BRWD3: variants seen among roughly 807,000 people sequenced by gnomAD.
BRWD3 encodes the protein bromodomain and WD repeat-containing protein 3.
BRWD3 carries 10 observed loss-of-function variants against 149.7 expected under a neutral mutation model. That is an observed-to-expected ratio of 0.07 (90% CI 0.04 to 0.11). The LOEUF (loss-of-function observed/expected upper bound fraction) is 0.11. Ranked by LOEUF, BRWD3 falls within the 10% of genes least tolerant of loss-of-function variation. BRWD3 has a pLI of 1.00. For synonymous variants in BRWD3, 504 were observed against 456.7 expected, an observed-to-expected ratio of 1.10 and a Z score of -1.32; for missense variants, 940 against 1,373.2, an observed-to-expected ratio of 0.68 and a Z score of 4.99.
chrX:80,684,632 T>C (rs2072497253), intron 36 of BRWD3, among the ~76,000 whole-genome samples: 1 of 63,519 alleles, frequency 1.6e-5, no homozygotes, highest in Non-Finnish European at 4.1e-5. Flanking sequence ...TTGGTCATGT[T>C]TGTGCCTTTC....
intron 32 of BRWD3, 29 bp downstream of exon 32, chrX:80,689,916 TTTTTTAAAAACCTTAAGTTAGA>T (rs749737453): frequency 1.7e-6 from 2 of 1,178,527 alleles, no homozygotes; most frequent in African/African-American, 3.6e-5. Flanking sequence ...TTAAAATTAA[TTTTTTAAAAACCTTAAGTTAGA>T]CTCTCTGGAA....
Position 80,709,546 on chromosome X carries a change from A to G in BRWD3, c.2357T>C (p.Leu786Ser), listed in dbSNP as rs772836252. Reference sequence around the variant, plus strand: ...CTGACGTTTGCGCTGTGTCCTGCGTAAAGAACGCCCACAGCTAGGCTCATA... The same window carrying G: ...CTGACGTTTGCGCTGTGTCCTGCGTGAAGAACGCCCACAGCTAGGCTCATA... ...NDYEPSCGRS[L>S]RRTQRKRQHT... The change falls in exon 21 of 41, where the codon TTA (leucine) becomes TCA (serine). Residue 786 changes from leucine to serine, a missense_variant. Leu to Ser is a moderately radical substitution (Grantham distance 145). Coordinates refer to ENST00000373275, the MANE Select transcript of BRWD3 (RefSeq NM_153252.5). 3 of 1,210,853 alleles carry G rather than the reference A, an allele frequency of 2.5e-6. No homozygotes were observed. Among genetic ancestry groups the G allele is most frequent in the Non-Finnish European group, 3.4e-6 (3 of 894,881 alleles).
intron 40 of BRWD3, 93 bp downstream of exon 40, chrX:80,681,248 T>G: frequency 1.1e-6 from 1 of 947,320 alleles, no homozygotes; most frequent in Non-Finnish European, 1.5e-6. Context: ...GATATACTAG[T>G]TTTTAGTATG....
chrX:80,696,504 T>C (rs1392942548), intron 26 of BRWD3, among the ~76,000 whole-genome samples: 1 of 96,136 alleles, frequency 1.0e-5, no homozygotes, highest in Non-Finnish European at 2.1e-5. Context: ...TCTATGTAAC[T>C]ATCCATAACA....
intron 4 of BRWD3, 144 bp downstream of exon 4, chrX:80,808,395 G>T: frequency 1.9e-6 from 1 of 521,870 alleles, no homozygotes; most frequent in Non-Finnish European, 3.4e-6. Context: ...GACTAGCAGG[G>T]ATGGGGGAAG....
chrX:80,710,256 G>C, intron 20 of BRWD3: 1 of 376,140 alleles, frequency 2.7e-6, no homozygotes, highest in East Asian at 5.4e-5. Context: ...CTAATTGGAA[G>C]CAAGACCCAA....
rs975941506 is a variant in BRWD3, at chrX:80,672,661, T to C, written c.*3948A>G. 1 of 111,930 alleles carries C rather than the reference T, an allele frequency of 8.9e-6. No homozygotes were observed. The highest frequency in any genetic ancestry group is 1.9e-5 in the Non-Finnish European group (1 of 53,157). 9.2% of individuals were successfully genotyped at this position (111,930 alleles called of 1,213,427 possible). A position where few individuals can be genotyped will look rare whatever the true frequency, so the allele number is the denominator to read the frequency against. ...TAAAAGTGACTTTAGAATATTCTAT[T>C]TCTGATAAACCTTTCATAAAGCCTC... is the stretch of plus-strand genomic sequence containing the variant. On this transcript the variant is annotated 3_prime_UTR_variant, in exon 41 of 41. Coordinates refer to ENST00000373275, the MANE Select transcript of BRWD3 (RefSeq NM_153252.5).
At chrX:80,763,107 T>A (rs755989855) in intron 6 of BRWD3, among the ~76,000 whole-genome samples, 61 of 112,175 alleles carry the variant, frequency 5.4e-4, no homozygotes, top group African/African-American at 1.9e-3. Context: ...ATGATTTTTA[T>A]ATGCCAGGCA....
intron 24 of BRWD3, among the ~76,000 whole-genome samples, chrX:80,703,210 G>T (rs2072814910): frequency 9.0e-6 from 1 of 110,533 alleles, no homozygotes; most frequent in South Asian, 3.8e-4. Flanking sequence ...TTAAAATAAA[G>T]CCAATTATTT....
At chrX:80,689,900 A>AT (rs1340075330) in intron 32 of BRWD3, 54 bp from the exon 33 acceptor site, 12 of 1,165,960 alleles carry the variant, frequency 1.0e-5, no homozygotes, top group Middle Eastern at 2.8e-4. Flanking sequence ...TTTTCAATTA[A>AT]TTTTTTTAAA....
chrX:80,730,169 A>T, intron 12 of BRWD3, 149 bp from the exon 13 acceptor site: 1 of 460,113 alleles, frequency 2.2e-6, no homozygotes, highest in South Asian at 3.1e-5. Context: ...GCAGTTCTTC[A>T]AAATGTTAAA....
At chrX:80,787,572 CAA>C (rs751098940) in intron 6 of BRWD3, among the ~76,000 whole-genome samples, 13 of 48,505 alleles carry the variant, frequency 2.7e-4, no homozygotes, top group Admixed American at 5.1e-4. Flanking sequence ...CACCCATATG[CAA>C]AAAAAAAAAA....
At chrX:80,736,705 A>AACTT (rs77049794) in intron 8 of BRWD3, among the ~76,000 whole-genome samples, 29,239 of 109,978 alleles carry the variant, frequency 0.27, 2,882 homozygotes, top group South Asian at 0.62. Context: ...TTAAAAAAAA[A>AACTT]AAGTTGTCAA....
intron 19 of BRWD3, among the ~76,000 whole-genome samples, chrX:80,716,720 T>C (rs2073078168): frequency 8.9e-6 from 1 of 112,334 alleles, no homozygotes; most frequent in South Asian, 3.7e-4. Context: ...TATTCATCTG[T>C]TGGTGGACAA....
At chrX:80,753,837 T>C (rs1337554694) in intron 6 of BRWD3, among the ~76,000 whole-genome samples, 2 of 111,376 alleles carry the variant, frequency 1.8e-5, no homozygotes, top group Non-Finnish European at 3.8e-5. Flanking sequence ...GCTATAAATA[T>C]GTAGATTTAT....
At chrX:80,756,036 G>C (rs2073732391) in intron 6 of BRWD3, among the ~76,000 whole-genome samples, 1 of 111,075 alleles carries the variant, frequency 9.0e-6, no homozygotes, top group African/African-American at 3.3e-5. Flanking sequence ...TTTCTATTAG[G>C]TTCTTCCCAA....
intron 6 of BRWD3, among the ~76,000 whole-genome samples, chrX:80,758,640 C>G (rs1434208764): frequency 9.1e-6 from 1 of 110,325 alleles, no homozygotes; most frequent in Non-Finnish European, 1.9e-5. Context: ...AGGTTCTACC[C>G]TTGGGAACGA....
At chrX:80,742,981 A>C (rs1221039968) in intron 8 of BRWD3, among the ~76,000 whole-genome samples, 2 of 111,705 alleles carry the variant, frequency 1.8e-5, no homozygotes, top group Admixed American at 9.5e-5. Context: ...GCCAGTTTTC[A>C]AAGGGAATGC....
At chrX:80,682,155 TAGAC>T (rs1479008830) in intron 38 of BRWD3, 61 bp from the exon 39 acceptor site, 19 of 951,948 alleles carry the variant, frequency 2.0e-5, no homozygotes, top group Non-Finnish European at 2.9e-5. Flanking sequence ...CATATTATGA[TAGAC>T]AGTATGATAC....
Sources: gnomAD v4.1 joint callset for allele counts (sites outside exome capture counted in the v4.1 genomes callset) on GRCh38, gnomAD v4.1.1 for gene constraint, MANE v1.5 for transcripts, NCBI Gene and HGNC (gene_info 2026-07-23, HGNC 2026-07-21) for gene names.